Variants in LOC128462377 observed in about 807,000 individuals in gnomAD.
the LOC128462377 span, among the ~76,000 whole-genome samples, chr16:89,354,650 G>C: frequency 6.6e-6 from 1 of 152,224 alleles, no homozygotes; most frequent in African/African-American, 2.4e-5. Flanking sequence ...GGGAGGCCGA[G>C]GCAGGTGAAT....
the LOC128462377 span, among the ~76,000 whole-genome samples, chr16:89,332,501 G>A: frequency 1.3e-5 from 2 of 152,212 alleles, no homozygotes; most frequent in Admixed American, 6.5e-5. Flanking sequence ...ACAAATGCAA[G>A]AAAACAGCCT....
At chr16:89,393,314 AT>A in the LOC128462377 span, among the ~76,000 whole-genome samples, 3,944 of 139,222 alleles carry the variant, frequency 0.028, 83 homozygotes, top group South Asian at 0.071. Context: ...TTTTATTTTT[AT>A]TTTTTTTTTT....
chr16:89,338,903 C>CA, the LOC128462377 span, among the ~76,000 whole-genome samples: 5 of 151,938 alleles, frequency 3.3e-5, no homozygotes, highest in Non-Finnish European at 5.9e-5. Flanking sequence ...TAATTAGTAA[C>CA]AAAAAAATCA....
the LOC128462377 span, among the ~76,000 whole-genome samples, chr16:89,415,534 G>A: frequency 6.6e-6 from 1 of 151,742 alleles, no homozygotes; most frequent in Admixed American, 6.6e-5. Flanking sequence ...AAAGTGCTGG[G>A]ATTACAGGTG....
the LOC128462377 span, among the ~76,000 whole-genome samples, chr16:89,331,352 T>C: frequency 1.3e-5 from 2 of 152,332 alleles, no homozygotes; most frequent in Admixed American, 6.5e-5. Flanking sequence ...TCACATCATA[T>C]ATCTCATGGA....
At chr16:89,338,409 TAAC>T in the LOC128462377 span, among the ~76,000 whole-genome samples, 1 of 143,766 alleles carries the variant, frequency 7.0e-6, no homozygotes, top group African/African-American at 2.6e-5. Context: ...ATCCTGTACT[TAAC>T]ATACACTCTG....
the LOC128462377 span, among the ~76,000 whole-genome samples, chr16:89,383,972 G>C: frequency 3.3e-4 from 51 of 152,324 alleles, no homozygotes; most frequent in African/African-American, 1.2e-3. Flanking sequence ...TAAAGAATCT[G>C]AAACTGGGAG....
At chr16:89,385,861 A>G in the LOC128462377 span, among the ~76,000 whole-genome samples, 2 of 152,232 alleles carry the variant, frequency 1.3e-5, no homozygotes, top group African/African-American at 4.8e-5. Flanking sequence ...CGGCTCGCCA[A>G]GAGCTCCATT....
chr16:89,326,203 A>C, the LOC128462377 span, among the ~76,000 whole-genome samples: 2 of 152,372 alleles, frequency 1.3e-5, no homozygotes, highest in East Asian at 3.9e-4. Context: ...GGGACGGCAG[A>C]TGGAGGGTGA....
the LOC128462377 span, among the ~76,000 whole-genome samples, chr16:89,377,406 G>T: frequency 6.6e-6 from 1 of 151,966 alleles, no homozygotes; most frequent in Non-Finnish European, 1.5e-5. Context: ...TCTGGAGGTT[G>T]TGTGTGATTC....
the LOC128462377 span, among the ~76,000 whole-genome samples, chr16:89,382,533 G>A: frequency 5.3e-5 from 8 of 151,938 alleles, no homozygotes; most frequent in Non-Finnish European, 1.0e-4. Flanking sequence ...CACCATGTTG[G>A]CCAGGCTGGT....
the LOC128462377 span, among the ~76,000 whole-genome samples, chr16:89,365,664 T>G: frequency 7.9e-5 from 12 of 152,210 alleles, no homozygotes; most frequent in Non-Finnish European, 1.8e-4. Context: ...TTTACCGCAA[T>G]TCTTCCTGGG....
the LOC128462377 span, among the ~76,000 whole-genome samples, chr16:89,406,508 C>T: frequency 7.2e-5 from 11 of 152,302 alleles, no homozygotes; most frequent in African/African-American, 2.6e-4. Context: ...GTTCGTTGGC[C>T]ATGCCCGGTG....
At chr16:89,395,209 G>A in the LOC128462377 span, among the ~76,000 whole-genome samples, 6 of 152,242 alleles carry the variant, frequency 3.9e-5, no homozygotes, top group African/African-American at 7.2e-5. Context: ...TTAAGGCAGC[G>A]TCTTAACAGA....
chr16:89,322,883 G>A, the LOC128462377 span, among the ~76,000 whole-genome samples: 2 of 152,338 alleles, frequency 1.3e-5, no homozygotes, highest in South Asian at 4.1e-4. Context: ...CAGCTGTGTT[G>A]CCCAGGCTGG....
At chr16:89,402,927 A>G in the LOC128462377 span, among the ~76,000 whole-genome samples, 1 of 152,114 alleles carries the variant, frequency 6.6e-6, no homozygotes, top group East Asian at 1.9e-4. Context: ...ACTCCCAACA[A>G]AGCAGGCAAC....
chr16:89,397,229 G>C, the LOC128462377 span, among the ~76,000 whole-genome samples: 1 of 152,142 alleles, frequency 6.6e-6, no homozygotes, highest in Non-Finnish European at 1.5e-5. Flanking sequence ...TGGGTGAGGG[G>C]AGCACGGGAG....
At chr16:89,341,375 C>G in the LOC128462377 span, among the ~76,000 whole-genome samples, 1 of 152,182 alleles carries the variant, frequency 6.6e-6, no homozygotes, top group African/African-American at 2.4e-5. Context: ...ACAGGGCAAT[C>G]TGCAGATTCT....
the LOC128462377 span, among the ~76,000 whole-genome samples, chr16:89,385,654 C>T: frequency 6.6e-6 from 1 of 152,260 alleles, no homozygotes; most frequent in Non-Finnish European, 1.5e-5. Context: ...CACTCAAATG[C>T]TTTAAAGATT....
Sources: gnomAD v4.1 joint callset for allele counts (sites outside exome capture counted in the v4.1 genomes callset) on GRCh38, gnomAD v4.1.1 for gene constraint, MANE v1.5 for transcripts.